The following ADGRL3 variants were observed in gnomAD, a reference collection of about 807,000 sequenced individuals.
ADGRL3 encodes adhesion G protein-coupled receptor L3.
A neutral mutation model predicts 153.5 loss-of-function variants in ADGRL3; 62 were observed. The ratio of observed to expected loss-of-function variants is 0.40; its 90% CI spans 0.33 to 0.50. The LOEUF (loss-of-function observed/expected upper bound fraction) is 0.50, where lower values mean the gene tolerates loss of function less well. Ranked by LOEUF, ADGRL3 falls within the 20% of genes least tolerant of loss-of-function variation. The pLI is 0.47. For synonymous variants in ADGRL3, 710 were observed against 672.5 expected (o/e 1.06, Z -0.86); for missense variants, 1,641 against 1,859.4 (o/e 0.88, Z 2.16).
At chr4:61,349,620 C>A (rs1262971704) in intron 1 of ADGRL3, among the ~76,000 whole-genome samples, 1 of 152,114 alleles carries the variant, frequency 6.6e-6, no homozygotes, top group Admixed American at 6.5e-5. Flanking sequence ...ACCTCCTTTA[C>A]CGCCTGTTAA....
chr4:61,905,080 T>C (rs537231347), intron 11 of ADGRL3, among the ~76,000 whole-genome samples: 1 of 151,942 alleles, frequency 6.6e-6, no homozygotes, highest in East Asian at 1.9e-4. Flanking sequence ...GTATAACAGG[T>C]GAAAAATTAT....
intron 4 of ADGRL3, among the ~76,000 whole-genome samples, chr4:61,573,609 A>C (rs1483308300): frequency 6.6e-6 from 1 of 151,940 alleles, no homozygotes; most frequent in African/African-American, 2.4e-5. Flanking sequence ...TTTTAGCAAA[A>C]TAGAAATCCA....
chr4:61,365,252 A>G (rs377342596), intron 1 of ADGRL3, among the ~76,000 whole-genome samples: 1 of 17,212 alleles, frequency 5.8e-5, no homozygotes, highest in Non-Finnish European at 1.4e-4. Flanking sequence ...AAAAAATTAC[A>G]AAAAAAAAAA....
rs371331337 is a variant in ADGRL3, at chr4:61,748,032, A to T, written c.1399+14478A>T. Among the ~76,000 whole-genome samples, 1,427 of 149,546 alleles carry T rather than the reference A, an allele frequency of 9.5e-3. 32 individuals are homozygous for T. The highest frequency in any genetic ancestry group is 0.033 in the African/African-American group (1,352 of 40,516). ...AAGTCTCAGGATACAAAATCAATGT[A>T]CAAAAATCACAAGCATTCTTATACA... On this transcript the variant is annotated intron_variant, in intron 8 of 26. Transcript: ENST00000683033.
At chr4:61,757,377 A>T (rs1165717494) in intron 8 of ADGRL3, among the ~76,000 whole-genome samples, 1 of 152,120 alleles carries the variant, frequency 6.6e-6, no homozygotes, top group Admixed American at 6.5e-5. Flanking sequence ...GAATTTTTCC[A>T]TTTCTTCTAG....
intron 26 of ADGRL3, among the ~76,000 whole-genome samples, chr4:62,069,258 A>G (rs1577763775): frequency 6.6e-6 from 1 of 152,164 alleles, no homozygotes; most frequent in East Asian, 1.9e-4. Flanking sequence ...CACTCATTAT[A>G]TAATGGTAAC....
At chr4:61,536,137 A>C (rs2098654481) in intron 4 of ADGRL3, among the ~76,000 whole-genome samples, 1 of 152,024 alleles carries the variant, frequency 6.6e-6, no homozygotes, top group Non-Finnish European at 1.5e-5. Context: ...GTTGTTGTTT[A>C]TCCAAAAGTC....
At chr4:61,814,764 T>A (rs1201642630) in intron 9 of ADGRL3, among the ~76,000 whole-genome samples, 1 of 152,148 alleles carries the variant, frequency 6.6e-6, no homozygotes, top group Non-Finnish European at 1.5e-5. Flanking sequence ...CCACCAACAT[T>A]TCAAGGCCCT....
intron 17 of ADGRL3, among the ~76,000 whole-genome samples, chr4:61,975,521 GA>G (rs1432972244): frequency 6.6e-6 from 1 of 152,158 alleles, no homozygotes; most frequent in Non-Finnish European, 1.5e-5. Context: ...CTTTTGTAAA[GA>G]CTTAGTTTTA....
intron 22 of ADGRL3, among the ~76,000 whole-genome samples, chr4:62,030,944 G>A (rs1721675661): frequency 6.6e-6 from 1 of 151,456 alleles, no homozygotes; most frequent in African/African-American, 2.4e-5. Flanking sequence ...TCAAATCCAT[G>A]TATTTCCTCC....
chr4:61,582,275 A>T (rs914502377), intron 4 of ADGRL3, among the ~76,000 whole-genome samples: 4 of 151,998 alleles, frequency 2.6e-5, no homozygotes, highest in African/African-American at 9.7e-5. Flanking sequence ...TGCTGCACCT[A>T]TCAGCCCATC....
intron 1 of ADGRL3, among the ~76,000 whole-genome samples, chr4:61,308,644 T>G (rs2094890123): frequency 6.6e-6 from 1 of 152,196 alleles, no homozygotes; most frequent in Non-Finnish European, 1.5e-5. Context: ...AAATAAAGTC[T>G]GCAAAGCTTG....
In ADGRL3 at chr4:61,801,661, A is replaced by G. The variant is rs116729436; in HGVS notation, c.1400-12148A>G. Reference sequence around the variant, plus strand: ...TGAAGCCTCGTGGTATAAGGCATCAATTGCTCCTTCTATACCAAAAGAGGA... The same window carrying G: ...TGAAGCCTCGTGGTATAAGGCATCAGTTGCTCCTTCTATACCAAAAGAGGA... On this transcript the variant is annotated intron_variant, in intron 8 of 26. Transcript: ENST00000683033. Among the ~76,000 whole-genome samples, 218 of 152,226 alleles carry G rather than the reference A, an allele frequency of 1.4e-3. 1 individual carries two copies. The highest frequency in any genetic ancestry group is 5.1e-3 in the African/African-American group (212 of 41,562).
chr4:61,963,655 G>T (rs759468345), intron 17 of ADGRL3, among the ~76,000 whole-genome samples: 1 of 151,852 alleles, frequency 6.6e-6, no homozygotes, highest in African/African-American at 2.4e-5. Flanking sequence ...TCTTTTTCTG[G>T]TCCACCATTA....
intron 15 of ADGRL3, among the ~76,000 whole-genome samples, chr4:61,940,083 C>T (rs2098878000): frequency 9.0e-6 from 1 of 110,684 alleles, no homozygotes; most frequent in Non-Finnish European, 1.8e-5. Context: ...CTCCCCCCTC[C>T]CCCGACCCCA....
Position 62,070,235 on chromosome 4 carries a change from G to C in ADGRL3, c.3959G>C (p.Arg1320Pro), listed in dbSNP as rs775577125. The C allele has an allele frequency of 1.2e-6, 2 of 1,613,560 alleles. No individual in the cohort carries two copies. Among genetic ancestry groups the C allele is most frequent in the Non-Finnish European group, 1.7e-6 (2 of 1,179,810 alleles). ...AGCAACTGTGTGCAAATCATAGACC[G>C]TGGCTATAACCATAACGAGACCGCC... is the stretch of plus-strand genomic sequence containing the variant. ...YLSNCVQIID[R>P]GYNHNETALE... Residue 1320 changes from arginine (R) to proline (P), a missense_variant, in exon 27 of 27, where the codon CGT becomes CCT. This residue lies in a region of ADGRL3 where 517 missense variants were observed against 555.0 expected (regional missense o/e 0.93). Coordinates refer to ENST00000683033, the MANE Select transcript of ADGRL3 (RefSeq NM_001387552.1).
At chr4:61,390,302 C>T (rs2096787416) in intron 2 of ADGRL3, among the ~76,000 whole-genome samples, 2 of 152,184 alleles carry the variant, frequency 1.3e-5, no homozygotes, top group South Asian at 4.1e-4. Context: ...TTGTCTTGAC[C>T]AGACCTTAGT....
At chr4:61,970,407 C>T (rs1465665484) in intron 17 of ADGRL3, among the ~76,000 whole-genome samples, 1 of 152,042 alleles carries the variant, frequency 6.6e-6, no homozygotes, top group African/African-American at 2.4e-5. Context: ...ACAATTTCTG[C>T]TGTTTTCTTT....
chr4:61,762,731 C>A (rs1317287054), intron 8 of ADGRL3, among the ~76,000 whole-genome samples: 2 of 152,082 alleles, frequency 1.3e-5, no homozygotes, highest in Non-Finnish European at 2.9e-5. Flanking sequence ...ATACAAAAAT[C>A]TTTGTTTCCT....
Sources: allele counts gnomAD v4.1 joint callset (sites outside exome capture counted in the v4.1 genomes callset), GRCh38; gene constraint gnomAD v4.1.1; regional missense constraint gnomAD v4.1.1; transcripts MANE v1.5; gene names NCBI Gene and HGNC (gene_info 2026-07-23, HGNC 2026-07-21).